Variants in ARHGAP32 observed in about 807,000 individuals in gnomAD.
ARHGAP32 encodes the protein rho GTPase-activating protein 32.
Under a neutral mutation model 186.5 loss-of-function variants are expected in ARHGAP32, and 51 were observed. The ratio of observed to expected loss-of-function variants is 0.27; its 90% CI spans 0.22 to 0.35. The LOEUF (loss-of-function observed/expected upper bound fraction) is 0.35. Among genes scored for constraint, ARHGAP32 ranks in the 10% least tolerant of loss-of-function variants. ARHGAP32 has a pLI of 1.00. For synonymous variants in ARHGAP32, 950 were observed against 964.3 expected (o/e 0.99, Z 0.27); for missense variants, 2,186 against 2,623.5 (o/e 0.83, Z 3.64).
At chr11:128,987,261 A>C (rs1205876998) in intron 13 of ARHGAP32, among the ~76,000 whole-genome samples, 1 of 152,210 alleles carries the variant, frequency 6.6e-6, no homozygotes, top group Non-Finnish European at 1.5e-5. Context: ...AGGTTAATTA[A>C]TATTCATCCA....
At chr11:129,269,859 C>T (rs1242278553) in intron 1 of ARHGAP32, among the ~76,000 whole-genome samples, 1 of 152,110 alleles carries the variant, frequency 6.6e-6, no homozygotes, top group Admixed American at 6.5e-5. Context: ...AAAACACTGA[C>T]AACACCAAAT....
At chr11:129,115,534 C>G (rs1424732317) in intron 5 of ARHGAP32, among the ~76,000 whole-genome samples, 3 of 151,998 alleles carry the variant, frequency 2.0e-5, no homozygotes, top group African/African-American at 7.2e-5. Flanking sequence ...ACTGTGATGC[C>G]CATCATATGA....
intron 1 of ARHGAP32, among the ~76,000 whole-genome samples, chr11:129,238,554 G>A (rs557124788): frequency 3.9e-5 from 6 of 152,202 alleles, no homozygotes; most frequent in Admixed American, 1.3e-4. Context: ...TTACATGCAT[G>A]AGTAATACAT....
At chr11:129,129,970 A>T (rs1360605221) in intron 2 of ARHGAP32, among the ~76,000 whole-genome samples, 2 of 152,212 alleles carry the variant, frequency 1.3e-5, no homozygotes, top group Non-Finnish European at 2.9e-5. Flanking sequence ...AAGATTTTTT[A>T]AAAATTAAGT....
intron 1 of ARHGAP32, among the ~76,000 whole-genome samples, chr11:129,263,637 GA>G (rs1398925292): frequency 6.9e-6 from 1 of 145,742 alleles, no homozygotes; most frequent in Non-Finnish European, 1.5e-5. Flanking sequence ...AGGGGAGAGG[GA>G]GGGGGAGGAG....
At chr11:129,214,854 A>G (rs1259645049) in intron 1 of ARHGAP32, among the ~76,000 whole-genome samples, 1 of 152,152 alleles carries the variant, frequency 6.6e-6, no homozygotes, top group East Asian at 1.9e-4. Flanking sequence ...CAGCTGCTCA[A>G]CTCCATCTTC....
In ARHGAP32 at chr11:128,998,443, A is replaced by G; in HGVS notation, c.1071T>C (p.Ile357=). The change falls in exon 12 of 23, where the codon ATT becomes ATC. Residue 357 remains isoleucine (I), a synonymous_variant. Transcript: ENST00000682385. ...ACTTCATGAATGTTCGTAAGAACGT[A>G]ATGAGCTTGCCGTGCTTTTTAGACA... The part of the protein sequence containing the change: ...KPVSKKHGKL[I]TFLRTFMKSR... The G allele has an allele frequency of 4.4e-6, 7 of 1,577,486 alleles. No homozygotes were observed. The highest frequency in any genetic ancestry group is 6.0e-6 in the Non-Finnish European group (7 of 1,158,588).
rs1945446276 is a variant in ARHGAP32 at position 128,973,311 on chromosome 11, TGCGGACTCAGCTAATGCTAGC to T, written c.3174_3194del (p.Leu1059_Ala1065del). ...TCAATGACTGAGTTGAGGCTTGCTG[TGCGGACTCAGCTAATGCTAGC>T]GCCAACATTCGGGCAACATTTTTCG... is the stretch of plus-strand genomic sequence containing the variant. On this transcript the variant is annotated inframe_deletion, in exon 22 of 23. Transcript: ENST00000682385. 1 of 1,614,182 alleles carries T rather than the reference TGCGGACTCAGCTAATGCTAGC, an allele frequency of 6.2e-7. No homozygotes were observed. The highest frequency in any genetic ancestry group is 2.2e-5 in the East Asian group (1 of 44,882).
chr11:129,095,591 A>C (rs1277147141), intron 5 of ARHGAP32, among the ~76,000 whole-genome samples: 2 of 152,182 alleles, frequency 1.3e-5, no homozygotes, highest in Non-Finnish European at 2.9e-5. Flanking sequence ...CAGGGCAGTG[A>C]AACAGAGGAA....
chr11:129,080,880 C>T (rs896776664), intron 6 of ARHGAP32, among the ~76,000 whole-genome samples: 5 of 151,632 alleles, frequency 3.3e-5, no homozygotes, highest in African/African-American at 4.8e-5. Flanking sequence ...AGAAAAGAAA[C>T]GAGAAGATCC....
At chr11:129,129,463 C>G (rs896833528) in intron 2 of ARHGAP32, among the ~76,000 whole-genome samples, 6 of 149,608 alleles carry the variant, frequency 4.0e-5, no homozygotes, top group African/African-American at 1.5e-4. Context: ...AGGTGGGGGG[C>G]GCCTCTGCCC....
intron 5 of ARHGAP32, among the ~76,000 whole-genome samples, chr11:129,113,703 A>C (rs1020364072): frequency 6.6e-6 from 1 of 152,132 alleles, no homozygotes; most frequent in African/African-American, 2.4e-5. Flanking sequence ...CATGTTGTTC[A>C]AGGGTCAGCT....
chr11:129,121,726 T>C (rs561437855), intron 5 of ARHGAP32, among the ~76,000 whole-genome samples: 58 of 152,104 alleles, frequency 3.8e-4, no homozygotes, highest in Middle Eastern at 3.4e-3. Context: ...GTAAGTGCAA[T>C]GGGGAAAGTG....
chr11:129,209,038 G>A (rs1944548547), intron 1 of ARHGAP32, among the ~76,000 whole-genome samples: 1 of 152,044 alleles, frequency 6.6e-6, no homozygotes, highest in Non-Finnish European at 1.5e-5. Context: ...AAACAGCATT[G>A]TTTTCCAAGG....
intron 1 of ARHGAP32, among the ~76,000 whole-genome samples, chr11:129,183,479 T>C (rs898993648): frequency 2.0e-5 from 3 of 152,210 alleles, no homozygotes; most frequent in African/African-American, 4.8e-5. Flanking sequence ...ACTTCTTTTA[T>C]GTTCTTCAAT....
At chr11:129,268,308 G>C (rs186804764) in intron 1 of ARHGAP32, among the ~76,000 whole-genome samples, 111 of 152,288 alleles carry the variant, frequency 7.3e-4, no homozygotes, top group Non-Finnish European at 1.4e-3. Context: ...AGATCTGTGT[G>C]GAGTCAGAAA....
In ARHGAP32 at chr11:128,974,120, G is replaced by T. The variant is rs866054632; in HGVS notation, c.3073+4C>A. ...AAGAAAGAATGGAGGAAAACAAACG[G>T]TACCTGTCTGAGTCTGTCCAGAAGC... On this transcript the variant is annotated splice_donor_region_variant and intron_variant, in intron 21 of 22. Coordinates refer to ENST00000682385, the MANE Select transcript of ARHGAP32 (RefSeq NM_001378024.1). The T allele has an allele frequency of 6.2e-7, 1 of 1,613,490 alleles. No individual in the cohort carries two copies. Among genetic ancestry groups the T allele is most frequent in the Non-Finnish European group, 8.5e-7 (1 of 1,179,656 alleles).
At chr11:129,249,326 T>C (rs1945147636) in intron 1 of ARHGAP32, among the ~76,000 whole-genome samples, 1 of 152,032 alleles carries the variant, frequency 6.6e-6, no homozygotes, top group South Asian at 2.1e-4. Flanking sequence ...TACATATATA[T>C]ATATACACAC....
chr11:128,989,636 A>G (rs1339069797), intron 12 of ARHGAP32, among the ~76,000 whole-genome samples: 1 of 151,880 alleles, frequency 6.6e-6, no homozygotes, highest in Admixed American at 6.6e-5. Flanking sequence ...AAGTATACAC[A>G]TGCCATGGTG....
Sources: gnomAD v4.1 joint callset for allele counts (sites outside exome capture counted in the v4.1 genomes callset) on GRCh38, gnomAD v4.1.1 for gene constraint, MANE v1.5 for transcripts, NCBI Gene and HGNC (gene_info 2026-07-23, HGNC 2026-07-21) for gene names.